The following ROR2 variants were observed in gnomAD, a reference collection of about 807,000 sequenced individuals.
The protein encoded by ROR2 is tyrosine-protein kinase transmembrane receptor ROR2.
Under a neutral mutation model 74.9 loss-of-function variants are expected in ROR2, and 33 were observed. The observed-to-expected ratio is 0.44, with a 90% CI of 0.33 to 0.59. The LOEUF (loss-of-function observed/expected upper bound fraction) is 0.59, where lower values mean the gene tolerates loss of function less well. ROR2 is among the 20% of genes least tolerant of loss of function. The pLI, the probability that ROR2 is intolerant of heterozygous loss-of-function variation, is 0.02. For synonymous variants in ROR2, 586 were observed against 558.7 expected (o/e 1.05, Z -0.69); for missense variants, 1,216 against 1,313.8 (o/e 0.93, Z 1.15).
At position 91,828,419 on chromosome 9, in the gene ROR2, T is replaced by G. The variant is rs141707359; in HGVS notation, c.98-52601A>C. Among the ~76,000 whole-genome samples, 366 of 152,358 alleles carry G rather than the reference T, an allele frequency of 2.4e-3. 1 individual carries two copies. Among genetic ancestry groups the G allele is most frequent in the African/African-American group, 8.2e-3 (343 of 41,576 alleles). ...TTTAGTCTATTTACTTGGGCTTTAA[T>G]GTACATATTCTCGGCAGGGTGCGGT... On this transcript the variant is annotated intron_variant, in intron 1 of 8. Coordinates refer to ENST00000375708, the MANE Select transcript of ROR2 (RefSeq NM_004560.4).
intron 2 of ROR2, 63 bp downstream of exon 2, chr9:91,775,678 C>T (rs1183606421): frequency 1.3e-6 from 2 of 1,509,870 alleles, no homozygotes; most frequent in Non-Finnish European, 1.8e-6. Flanking sequence ...AATGGCAGTG[C>T]AAGATGAGCC....
intron 4 of ROR2, among the ~76,000 whole-genome samples, chr9:91,741,341 TAA>T (rs1001762861): frequency 2.3e-5 from 3 of 132,934 alleles, no homozygotes; most frequent in African/African-American, 5.4e-5. Flanking sequence ...ATAATAATAA[TAA>T]AATAATGACA....
At chr9:91,821,727 A>G (rs1300289852) in intron 1 of ROR2, among the ~76,000 whole-genome samples, 1 of 152,138 alleles carries the variant, frequency 6.6e-6, no homozygotes, top group Non-Finnish European at 1.5e-5. Context: ...CAGGACACAA[A>G]TATTACTGCC....
At chr9:91,899,912 A>G (rs1830630286) in intron 1 of ROR2, among the ~76,000 whole-genome samples, 2 of 152,226 alleles carry the variant, frequency 1.3e-5, no homozygotes, top group Admixed American at 1.3e-4. Context: ...ACACATCTGC[A>G]CACTCGAACA....
intron 1 of ROR2, among the ~76,000 whole-genome samples, chr9:91,819,089 G>A (rs1041298797): frequency 1.3e-5 from 2 of 152,190 alleles, no homozygotes; most frequent in Non-Finnish European, 2.9e-5. Context: ...GGGTCTAGGG[G>A]AGGGAAATGG....
In ROR2 at chr9:91,740,096, C is replaced by A. The variant is rs149975578; in HGVS notation, c.495-2578G>T. 3.3e-3 allele frequency among the ~76,000 whole-genome samples: 505 copies of A among 152,258 alleles called. 3 individuals are homozygous for A. The highest frequency in any genetic ancestry group is 0.012 in the African/African-American group (480 of 41,530). On this transcript the variant is annotated intron_variant, in intron 4 of 8. Transcript: ENST00000375708. ...GAGTCAAGGAAGAGAAGGTTGTTCCCCCTGTTGCAGGCTTCTCCCTGGCCG... is the reference window on the plus strand; with the variant it reads ...GAGTCAAGGAAGAGAAGGTTGTTCCACCTGTTGCAGGCTTCTCCCTGGCCG...
At chr9:91,850,545 T>C (rs192753291) in intron 1 of ROR2, among the ~76,000 whole-genome samples, 1 of 152,118 alleles carries the variant, frequency 6.6e-6, no homozygotes. Flanking sequence ...CAAGGGGCCA[T>C]GAACCCAGGT....
At chr9:91,904,028 T>C (rs534037180) in intron 1 of ROR2, among the ~76,000 whole-genome samples, 2 of 139,976 alleles carry the variant, frequency 1.4e-5, no homozygotes, top group African/African-American at 5.3e-5. Context: ...TTTTGATTTT[T>C]TGTTTTTGTT....
At chr9:91,821,232 G>T (rs1277067360) in intron 1 of ROR2, among the ~76,000 whole-genome samples, 4 of 152,178 alleles carry the variant, frequency 2.6e-5, no homozygotes, top group African/African-American at 4.8e-5. Flanking sequence ...CCCACACCTT[G>T]ATCTTGGACT....
intron 1 of ROR2, among the ~76,000 whole-genome samples, chr9:91,885,243 G>A (rs992288396): frequency 1.3e-5 from 2 of 151,852 alleles, no homozygotes; most frequent in East Asian, 3.9e-4. Context: ...AACAAAGCGG[G>A]AAGGCAAACA....
chr9:91,925,757 A>G (rs1290853591), intron 1 of ROR2, among the ~76,000 whole-genome samples: 1 of 152,054 alleles, frequency 6.6e-6, no homozygotes, highest in Admixed American at 6.6e-5. Flanking sequence ...AAACTCGCTC[A>G]CTCTACCCTT....
In ROR2 at chr9:91,825,727, A is replaced by G. The variant is rs1009151434; in HGVS notation, c.98-49909T>C. 4.8e-4 allele frequency among the ~76,000 whole-genome samples: 73 copies of G among 152,076 alleles called. 2 individuals carry two copies. The highest frequency in any genetic ancestry group is 4.5e-3 in the Admixed American group (69 of 15,272). ...GACTCTTATGCCTAGAAGGTGAGTG[A>G]ACTATCACTTATTTTGCTGGAAAAA... On this transcript the variant is annotated intron_variant, in intron 1 of 8. Coordinates refer to ENST00000375708, the MANE Select transcript of ROR2 (RefSeq NM_004560.4).
chr9:91,868,066 G>C (rs936275508), intron 1 of ROR2, among the ~76,000 whole-genome samples: 2 of 152,048 alleles, frequency 1.3e-5, no homozygotes, highest in Non-Finnish European at 2.9e-5. Flanking sequence ...ACAGATGTTG[G>C]AATTATCTGA....
intron 1 of ROR2, among the ~76,000 whole-genome samples, chr9:91,802,989 ACAGGTTAT>A (rs1827440978): frequency 6.6e-6 from 1 of 152,164 alleles, no homozygotes; most frequent in Non-Finnish European, 1.5e-5. Context: ...AACCACGACA[ACAGGTTAT>A]CAGCTCACAC....
chr9:91,798,476 T>G (rs1158541988), intron 1 of ROR2, among the ~76,000 whole-genome samples: 2 of 65,360 alleles, frequency 3.1e-5, no homozygotes, highest in Non-Finnish European at 2.7e-5. Flanking sequence ...GCTCTGTAGG[T>G]GGGGAATGAC....
rs1156496097 is a variant in ROR2 at position 91,726,484 on chromosome 9, C to T, written c.1386+57G>A. ...AGACATTTAATGTTGGGGGAAACAA[C>T]CCCTGAGGATTAAACCTGGAAGAGC... On this transcript the variant is annotated intron_variant, in intron 8 of 8. Transcript: ENST00000375708. 3 of 1,468,958 alleles carry T rather than the reference C, an allele frequency of 2.0e-6. No individual in the cohort carries two copies. In the African/African-American group the frequency reaches 4.2e-5, roughly 20 times the overall value. The allele number at this position is 1,468,958 out of a possible 1,614,324, so 91.0% of individuals were successfully genotyped here. A position where few individuals can be genotyped will look rare whatever the true frequency, so the allele number is the denominator to read the frequency against.
At position 91,733,696 on chromosome 9, in the gene ROR2, C is replaced by A. The variant is rs181775816; in HGVS notation, c.623-260G>T. Among the ~76,000 whole-genome samples, 550 of 152,282 alleles carry A rather than the reference C, an allele frequency of 3.6e-3. 3 individuals carry two copies. The highest frequency in any genetic ancestry group is 0.013 in the African/African-American group (524 of 41,526). ...GTCCCAGGGCCTCACTTAGAAACATCAGAAGCAGAACAAGAAAGAAGGAAA... is the reference window on the plus strand; with the variant it reads ...GTCCCAGGGCCTCACTTAGAAACATAAGAAGCAGAACAAGAAAGAAGGAAA... On this transcript the variant is annotated intron_variant, in intron 5 of 8. Transcript: ENST00000375708. The surrounding 1 kb of genome is among the most constrained non-coding windows in gnomAD (Gnocchi z 5.7).
intron 1 of ROR2, among the ~76,000 whole-genome samples, chr9:91,881,795 G>T (rs924885399): frequency 6.6e-6 from 1 of 152,184 alleles, no homozygotes; most frequent in Non-Finnish European, 1.5e-5. Context: ...GTAGAGAAAA[G>T]CCCGACAGGG....
intron 1 of ROR2, among the ~76,000 whole-genome samples, chr9:91,895,719 T>C (rs1199519296): frequency 6.6e-6 from 1 of 152,124 alleles, no homozygotes; most frequent in Non-Finnish European, 1.5e-5. Flanking sequence ...GGCAGATGCC[T>C]GTAATCCCAG....
Sources: allele counts gnomAD v4.1 joint callset (sites outside exome capture counted in the v4.1 genomes callset), GRCh38; gene constraint gnomAD v4.1.1; non-coding constraint Gnocchi (gnomAD v3.1); transcripts MANE v1.5; gene names NCBI Gene and HGNC (gene_info 2026-07-23, HGNC 2026-07-21).